The following HIPK3 variants were observed in gnomAD, a reference collection of about 807,000 sequenced individuals.
HIPK3 encodes the protein homeodomain-interacting protein kinase 3.
In HIPK3, 47 loss-of-function variants were observed where a neutral mutation model predicts 124.2. That is an observed-to-expected ratio of 0.38 (90% CI 0.30 to 0.48). The LOEUF (loss-of-function observed/expected upper bound fraction) is 0.48, where lower values mean the gene tolerates loss of function less well. Ranked by LOEUF, HIPK3 falls within the 20% of genes least tolerant of loss-of-function variation. HIPK3 has a pLI of 0.98. For synonymous variants in HIPK3, 482 were observed against 515.2 expected, an observed-to-expected ratio of 0.94 and a Z score of 0.87; for missense variants, 1,286 against 1,454.3, an observed-to-expected ratio of 0.88 and a Z score of 1.88.
chr11:33,327,065 C>T (rs902172599), intron 2 of HIPK3, among the ~76,000 whole-genome samples: 14 of 151,858 alleles, frequency 9.2e-5, no homozygotes, highest in African/African-American at 2.9e-4. Context: ...AATCTGTACT[C>T]ATACAGGTAA....
intron 12 of HIPK3, 121 bp downstream of exon 12, chr11:33,348,349 T>C: frequency 9.7e-7 from 1 of 1,033,532 alleles, no homozygotes; most frequent in South Asian, 1.6e-5. Flanking sequence ...GCAGTCTACA[T>C]GGATATTTCT....
intron 2 of HIPK3, among the ~76,000 whole-genome samples, chr11:33,307,927 A>T (rs955960993): frequency 5.9e-5 from 9 of 152,056 alleles, no homozygotes. Flanking sequence ...ATAGTTTAAT[A>T]TGTTTTTATT....
At position 33,326,382 on chromosome 11, in the gene HIPK3, A is replaced by AT. The variant is rs2042920025; in HGVS notation, c.1098-2126dup. ...GACAACCCCCAGTCTCAGTTAAGAA[A>AT]TTAGCAGGCTTATTTTGCTTAACTC... On this transcript the variant is annotated intron_variant, in intron 2 of 16. Coordinates refer to ENST00000303296, the MANE Select transcript of HIPK3 (RefSeq NM_005734.5). 3.9e-5 allele frequency among the ~76,000 whole-genome samples: 6 copies of AT among 152,198 alleles called. No individual in the cohort carries two copies. The South Asian group carries it at 1.2e-3, about 32-fold the overall frequency.
intron 1 of HIPK3, chr11:33,258,555 G>A (rs910514052): frequency 2.2e-4 from 213 of 985,494 alleles, no homozygotes; most frequent in Non-Finnish European, 2.3e-4. Context: ...GCGGCCGCGC[G>A]GCGGGGCTGT....
Position 33,349,266 on chromosome 11 carries a change from C to G in HIPK3, c.2786C>G (p.Ser929Cys). Residue 929 changes from serine (S) to cysteine (C), a missense_variant, in exon 14 of 17, where the codon TCC becomes TGC. Coordinates refer to ENST00000303296, the MANE Select transcript of HIPK3 (RefSeq NM_005734.5). The part of the protein sequence containing the change: ...STSSSGQSSP[S>C]PCKRPNSMSD... ...AGCTCCTCAGGGCAGTCCAGCCCATCCCCCTGCAAGAGACCGAATAGGTAA... is the reference window on the plus strand; with the variant it reads ...AGCTCCTCAGGGCAGTCCAGCCCATGCCCCTGCAAGAGACCGAATAGGTAA... 1.9e-6 allele frequency: 3 copies of G among 1,613,392 alleles called. No individual in the cohort carries two copies. Among genetic ancestry groups the G allele is most frequent in the Non-Finnish European group, 2.5e-6 (3 of 1,179,588 alleles).
chr11:33,294,064 GAATC>G, intron 2 of HIPK3, among the ~76,000 whole-genome samples: 1 of 151,554 alleles, frequency 6.6e-6, no homozygotes, highest in Admixed American at 6.6e-5. Flanking sequence ...TGAGGCAGGA[GAATC>G]GTTTGAACCC....
In HIPK3 at chr11:33,338,753, T is replaced by C. The variant is rs781620516; in HGVS notation, c.1342-4T>C. On this transcript the variant is annotated splice_region_variant and splice_polypyrimidine_tract_variant and intron_variant, in intron 4 of 16. Transcript: ENST00000303296. ...TCTTTTTTCCCTTTGATATATGCAA[T>C]AAGACATTGGAAGAGCATGAGGCAG... is the stretch of plus-strand genomic sequence containing the variant. 18 of 1,591,952 alleles carry C rather than the reference T, an allele frequency of 1.1e-5. No individual in the cohort carries two copies. In the Admixed American group the frequency reaches 3.0e-4, roughly 27 times the overall value.
At position 33,349,240 on chromosome 11, in the gene HIPK3, C is replaced by T. The variant is rs746566115; in HGVS notation, c.2760C>T (p.Thr920=). ...GTAGTCCTGATAGTACTCTGAGTAC[C>T]AGCTCCTCAGGGCAGTCCAGCCCAT... ...SLSSPDSTLS[T]SSSGQSSPSP... is the part of the protein sequence containing the mutation. The change falls in exon 14 of 17, where the codon ACC becomes ACT. Residue 920 remains threonine (T), a synonymous_variant. Transcript: ENST00000303296. 7.4e-6 allele frequency: 12 copies of T among 1,613,810 alleles called. No individual in the cohort carries two copies. The highest frequency in any genetic ancestry group is 1.0e-5 in the Non-Finnish European group (12 of 1,179,742).
chr11:33,335,087 G>A (rs2133977667), intron 3 of HIPK3, among the ~76,000 whole-genome samples: 1 of 152,278 alleles, frequency 6.6e-6, no homozygotes, highest in Middle Eastern at 3.4e-3. Flanking sequence ...AGTGGATGGT[G>A]TTGCTATTAA....
chr11:33,269,702 A>G (rs1851070005), intron 1 of HIPK3, among the ~76,000 whole-genome samples: 3 of 152,084 alleles, frequency 2.0e-5, no homozygotes, highest in Non-Finnish European at 4.4e-5. Context: ...AGCCTTTGGC[A>G]GTATAGTTCT....
upstream of HIPK3, chr11:33,256,733 G>T: frequency 1.0e-6 from 1 of 983,378 alleles, no homozygotes; most frequent in Non-Finnish European, 1.2e-6. Context: ...CTAATTTAAC[G>T]GAGAATTACC....
chr11:33,348,523 A>T lies in HIPK3; in HGVS notation c.2371A>T (p.Ser791Cys). 1 of 1,599,926 alleles carries T rather than the reference A, an allele frequency of 6.3e-7. No homozygotes were observed. Among genetic ancestry groups the T allele is most frequent in the Non-Finnish European group, 8.6e-7 (1 of 1,168,302 alleles). ...TATAAATTATTCCTTTGGTTGCAGG[A>T]GTAATTCATTACAGAATACCAATAT... is the stretch of plus-strand genomic sequence containing the variant. ...GREEINAFSW[S>C]NSLQNTNIPH... Residue 791 changes from serine (S) to cysteine (C), a missense_variant and splice_region_variant, in exon 13 of 17, where the codon AGT becomes TGT. Ser to Cys is a moderately radical substitution (Grantham distance 112). Around this residue, in one of 3 missense-constraint regions of HIPK3, gnomAD observed 810 missense variants for 864.9 expected, o/e 0.94. Coordinates refer to ENST00000303296, the MANE Select transcript of HIPK3 (RefSeq NM_005734.5).
At chr11:33,308,420 T>C (rs1852226747) in intron 2 of HIPK3, among the ~76,000 whole-genome samples, 1 of 152,228 alleles carries the variant, frequency 6.6e-6, no homozygotes, top group Non-Finnish European at 1.5e-5. Flanking sequence ...ACGTATATTT[T>C]CTCCTAAGTA....
At chr11:33,277,842 G>A (rs1297338848) in intron 1 of HIPK3, among the ~76,000 whole-genome samples, 2 of 152,136 alleles carry the variant, frequency 1.3e-5, no homozygotes, top group African/African-American at 4.8e-5. Flanking sequence ...TGCCAGTTTG[G>A]TGGCTATAAA....
intron 16 of HIPK3, among the ~76,000 whole-genome samples, chr11:33,352,789 A>G (rs1419109489): frequency 6.6e-6 from 1 of 152,192 alleles, no homozygotes; most frequent in Non-Finnish European, 1.5e-5. Flanking sequence ...AGCTTTACAT[A>G]TAAGAAGTGC....
At chr11:33,321,073 C>T (rs574249173) in intron 2 of HIPK3, among the ~76,000 whole-genome samples, 10 of 152,160 alleles carry the variant, frequency 6.6e-5, no homozygotes, top group East Asian at 3.9e-4. Context: ...GAAAATGAAA[C>T]GGAACTAGTG....
At chr11:33,304,790 A>G (rs1221329267) in intron 2 of HIPK3, among the ~76,000 whole-genome samples, 2 of 152,170 alleles carry the variant, frequency 1.3e-5, no homozygotes, top group South Asian at 2.1e-4. Context: ...TTTTCATAAC[A>G]TATTTCTAGA....
At chr11:33,351,446 G>T (rs1853654087) in intron 14 of HIPK3, among the ~76,000 whole-genome samples, 162 bp from the exon 15 acceptor site, 3 of 152,080 alleles carry the variant, frequency 2.0e-5, no homozygotes, top group African/African-American at 7.2e-5. Context: ...TAAGGGTCTA[G>T]AAATTTTATG....
At chr11:33,279,624 A>G (rs912971599) in intron 1 of HIPK3, among the ~76,000 whole-genome samples, 5 of 152,206 alleles carry the variant, frequency 3.3e-5, no homozygotes, top group African/African-American at 1.2e-4. Flanking sequence ...GTTTGGATAG[A>G]GTAGTTCAGA....
Sources: allele counts gnomAD v4.1 joint callset (sites outside exome capture counted in the v4.1 genomes callset), GRCh38; gene constraint gnomAD v4.1.1; regional missense constraint gnomAD v4.1.1; transcripts MANE v1.5; gene names NCBI Gene and HGNC (gene_info 2026-07-23, HGNC 2026-07-21).